Variants in AVEN observed in about 807,000 individuals in gnomAD.
The protein encoded by AVEN is cell death regulator Aven.
In AVEN, 41 loss-of-function variants were observed where a neutral mutation model predicts 38.1. The ratio of observed to expected loss-of-function variants is 1.08; its 90% CI spans 0.84 to 1.40. The LOEUF (loss-of-function observed/expected upper bound fraction) is 1.40. Ranked by LOEUF, AVEN falls within the 40% of genes most tolerant of loss-of-function variation. The pLI is 0.00. For missense variants in AVEN, 605 were observed against 438.8 expected (o/e 1.38, Z -3.38); for synonymous variants, 206 against 171.8 (o/e 1.20, Z -1.56).
At chr15:33,893,317 T>G (rs1892067561) in intron 2 of AVEN, among the ~76,000 whole-genome samples, 1 of 152,210 alleles carries the variant, frequency 6.6e-6, no homozygotes, top group Non-Finnish European at 1.5e-5. Context: ...AGGGAATGCT[T>G]CCAGTTTTTG....
At chr15:33,887,002 T>C (rs930464739) in intron 2 of AVEN, among the ~76,000 whole-genome samples, 1 of 152,238 alleles carries the variant, frequency 6.6e-6, no homozygotes, top group African/African-American at 2.4e-5. Flanking sequence ...CATCTATCAA[T>C]TAAGGTTTTC....
intron 2 of AVEN, among the ~76,000 whole-genome samples, chr15:33,892,393 T>G (rs1263540840): frequency 1.3e-5 from 2 of 152,200 alleles, no homozygotes; most frequent in African/African-American, 4.8e-5. Context: ...CATCGTGAAT[T>G]AATTTCTGTA....
chr15:33,961,214 T>G (rs1220098955), intron 2 of AVEN, among the ~76,000 whole-genome samples: 1 of 151,938 alleles, frequency 6.6e-6, no homozygotes. Context: ...TTGCCCAGGC[T>G]GGTCTCGAAC....
chr15:33,931,154 C>CTA (rs1893828010), intron 2 of AVEN, among the ~76,000 whole-genome samples: 2 of 151,882 alleles, frequency 1.3e-5, no homozygotes, highest in South Asian at 4.2e-4. Flanking sequence ...AGGAAATTAT[C>CTA]TATAGTCTAA....
intron 2 of AVEN, among the ~76,000 whole-genome samples, chr15:33,933,632 G>T (rs1893958493): frequency 6.8e-6 from 1 of 147,398 alleles, no homozygotes; most frequent in South Asian, 2.2e-4. Flanking sequence ...TCATACCCAC[G>T]CACCATGCTA....
chr15:33,930,721 C>T (rs761545003), intron 2 of AVEN, among the ~76,000 whole-genome samples: 5 of 152,006 alleles, frequency 3.3e-5, no homozygotes, highest in Non-Finnish European at 5.9e-5. Flanking sequence ...TTTGGGAGGC[C>T]GAGGCAGGAG....
rs113503427 is a variant in AVEN at position 34,008,950 on chromosome 15, G to A, written c.268-5741C>T. Among the ~76,000 whole-genome samples, 226 of 23,544 alleles carry A rather than the reference G, an allele frequency of 9.6e-3. 1 individual carries two copies. The highest frequency in any genetic ancestry group is 0.013 in the African/African-American group (217 of 17,240). The allele number at this position is 23,544 out of a possible 152,430, so 15.4% of individuals were successfully genotyped here. On this transcript the variant is annotated intron_variant, in intron 1 of 5. Coordinates refer to ENST00000306730, the MANE Select transcript of AVEN (RefSeq NM_020371.3). ...TTAAAACACACACTCACACGTGCGC[G>A]CGCGCACACACACACACACACACAC...
At chr15:33,907,875 A>G (rs1892766852) in intron 2 of AVEN, among the ~76,000 whole-genome samples, 1 of 152,124 alleles carries the variant, frequency 6.6e-6, no homozygotes, top group South Asian at 2.1e-4. Flanking sequence ...GAAATGTATT[A>G]TCTTTTATAA....
chr15:33,880,937 A>C (rs1891461606), intron 2 of AVEN, among the ~76,000 whole-genome samples: 1 of 152,194 alleles, frequency 6.6e-6, no homozygotes, highest in Non-Finnish European at 1.5e-5. Context: ...TAAAGAATAT[A>C]AAGAAGAAAA....
chr15:33,933,640 CT>C (rs1268106527), intron 2 of AVEN, among the ~76,000 whole-genome samples: 1 of 151,682 alleles, frequency 6.6e-6, no homozygotes. Flanking sequence ...ACGCACCATG[CT>C]AGGGCCTGTA....
intron 2 of AVEN, among the ~76,000 whole-genome samples, chr15:33,886,355 T>C (rs1340045783): frequency 6.6e-6 from 1 of 152,036 alleles, no homozygotes; most frequent in Non-Finnish European, 1.5e-5. Flanking sequence ...CAGGCTGGAG[T>C]GTACTGGCAC....
chr15:34,004,731 T>C (rs1372370722), intron 1 of AVEN, among the ~76,000 whole-genome samples: 1 of 152,140 alleles, frequency 6.6e-6, no homozygotes, highest in South Asian at 2.1e-4. Flanking sequence ...TATACTTAAT[T>C]GGTAATTGCT....
At chr15:33,958,318 G>T (rs189839961) in intron 2 of AVEN, among the ~76,000 whole-genome samples, 2 of 152,212 alleles carry the variant, frequency 1.3e-5, no homozygotes, top group East Asian at 3.9e-4. Flanking sequence ...TGTGGCTCAC[G>T]CCTGCAGTCC....
In AVEN at chr15:33,961,584, T is replaced by C. The variant is rs375647117; in HGVS notation, c.445+41448A>G. Among the ~76,000 whole-genome samples the C allele has an allele frequency of 6.2e-3, 936 of 151,654 alleles. 7 individuals carry two copies. The highest frequency in any genetic ancestry group is 0.024 in the East Asian group (123 of 5,100). On this transcript the variant is annotated intron_variant, in intron 2 of 5. Transcript: ENST00000306730. ...ATCCCAGCACTTTGGGAGGCCAAGG[T>C]GGGCGAATCACGAGGTCAGGAGATC...
intron 2 of AVEN, among the ~76,000 whole-genome samples, chr15:33,985,948 G>A (rs1315376874): frequency 1.3e-5 from 2 of 152,164 alleles, no homozygotes; most frequent in Non-Finnish European, 2.9e-5. Context: ...AAGCCCAGGT[G>A]CCTGATATCT....
chr15:34,068,477 G>T (rs1024396085), intron 2 of AVEN, among the ~76,000 whole-genome samples: 5 of 152,086 alleles, frequency 3.3e-5, no homozygotes, highest in African/African-American at 1.2e-4. Context: ...AAAGTGCTGA[G>T]ATTGCAGGCA....
At chr15:33,867,179 G>C (rs1462067765) in intron 5 of AVEN, among the ~76,000 whole-genome samples, 1 of 152,200 alleles carries the variant, frequency 6.6e-6, no homozygotes, top group Non-Finnish European at 1.5e-5. Flanking sequence ...TCGATTAAAA[G>C]GGCCACTGCC....
chr15:33,908,830 T>TG (rs1453959721), intron 2 of AVEN, among the ~76,000 whole-genome samples: 1 of 152,130 alleles, frequency 6.6e-6, no homozygotes, highest in African/African-American at 2.4e-5. Flanking sequence ...ACAAGAGGGC[T>TG]GGGGCTTGAT....
Position 33,995,703 on chromosome 15 carries a change from C to T in AVEN, c.445+7329G>A, listed in dbSNP as rs936300777. Among the ~76,000 whole-genome samples, 4 of 152,222 alleles carry T rather than the reference C, an allele frequency of 2.6e-5. 1 individual carries two copies. The highest frequency in any genetic ancestry group is 2.0e-4 in the Admixed American group (3 of 15,290). On this transcript the variant is annotated intron_variant, in intron 2 of 5. Coordinates refer to ENST00000306730, the MANE Select transcript of AVEN (RefSeq NM_020371.3). ...ACCACACCAAACTGCAGGTCATAAG[C>T]CATTAGTGGGACATTATATCATTTG...
Sources: gnomAD v4.1 joint callset for allele counts (sites outside exome capture counted in the v4.1 genomes callset) on GRCh38, gnomAD v4.1.1 for gene constraint, MANE v1.5 for transcripts, NCBI Gene and HGNC (gene_info 2026-07-23, HGNC 2026-07-21) for gene names.